Variants in TNR observed in about 807,000 individuals in gnomAD.
TNR encodes the protein tenascin-R.
A neutral mutation model predicts 150.4 loss-of-function variants in TNR; 45 were observed. That is an observed-to-expected ratio of 0.30 (90% CI 0.24 to 0.38). The LOEUF (loss-of-function observed/expected upper bound fraction) is 0.38, where lower values mean the gene tolerates loss of function less well. Among genes scored for constraint, TNR ranks in the 10% least tolerant of loss-of-function variants. TNR has a pLI of 1.00. For synonymous variants in TNR, 687 were observed against 678.4 expected (o/e 1.01, Z -0.20); for missense variants, 1,544 against 1,759.1 (o/e 0.88, Z 2.19).
At chr1:175,646,777 C>T (rs1439455010) in intron 1 of TNR, among the ~76,000 whole-genome samples, 1 of 152,216 alleles carries the variant, frequency 6.6e-6, no homozygotes, top group Non-Finnish European at 1.5e-5. Context: ...CTCCATTCTG[C>T]CCAAGGTTCC....
At chr1:175,655,877 T>C (rs890637254) in intron 1 of TNR, among the ~76,000 whole-genome samples, 12 of 152,128 alleles carry the variant, frequency 7.9e-5, no homozygotes, top group African/African-American at 2.9e-4. Context: ...GGAGTCTCCT[T>C]GGGGATAGAT....
chr1:175,681,094 CAAAT>C (rs1666020815), intron 1 of TNR, among the ~76,000 whole-genome samples: 1 of 152,012 alleles, frequency 6.6e-6, no homozygotes, highest in African/African-American at 2.4e-5. Flanking sequence ...TGAGTACAAA[CAAAT>C]AAAAAGGGAC....
At chr1:175,362,597 C>G (rs899333113) in intron 14 of TNR, 66 bp downstream of exon 14, 12 of 1,576,028 alleles carry the variant, frequency 7.6e-6, no homozygotes, top group African/African-American at 1.3e-5. Context: ...TTTCTACAAG[C>G]CCGAACAACT....
chr1:175,714,067 CTGT>C (rs1161402425), intron 1 of TNR, among the ~76,000 whole-genome samples: 2 of 151,776 alleles, frequency 1.3e-5, no homozygotes, highest in Non-Finnish European at 2.9e-5. Context: ...TCTCTATGTG[CTGT>C]TCTGTCCTCT....
chr1:175,491,885 G>C (rs1274452960), intron 2 of TNR, among the ~76,000 whole-genome samples: 2 of 151,458 alleles, frequency 1.3e-5, no homozygotes, highest in African/African-American at 4.9e-5. Flanking sequence ...TCCTGACCTC[G>C]TGATCCGCCC....
chr1:175,594,712 A>G (rs1450234132), intron 1 of TNR, among the ~76,000 whole-genome samples: 1 of 151,906 alleles, frequency 6.6e-6, no homozygotes, highest in Non-Finnish European at 1.5e-5. Context: ...AAAATTATCC[A>G]TGCATAGTGG....
chr1:175,682,832 G>A (rs994932403), intron 1 of TNR, among the ~76,000 whole-genome samples: 2 of 152,096 alleles, frequency 1.3e-5, no homozygotes, highest in South Asian at 2.1e-4. Context: ...GACCCCACAC[G>A]CACTCTACAT....
chr1:175,423,231 C>T (rs145665468), intron 2 of TNR, among the ~76,000 whole-genome samples: 335 of 152,252 alleles, frequency 2.2e-3, no homozygotes, highest in African/African-American at 7.8e-3. Flanking sequence ...TGTTCATTTC[C>T]TCATGGGCCA....
intron 2 of TNR, among the ~76,000 whole-genome samples, chr1:175,491,247 G>T (rs1164327113): frequency 6.6e-6 from 1 of 152,086 alleles, no homozygotes; most frequent in Non-Finnish European, 1.5e-5. Context: ...GAGATCATCA[G>T]GAAGAATAGC....
rs1236976294 is a variant in TNR, at chr1:175,393,873, T to C, written c.1263A>G (p.Leu421=). The change falls in exon 6 of 23, where the codon CTA becomes CTG. Residue 421 remains leucine (L), a synonymous_variant. Coordinates refer to ENST00000367674, the MANE Select transcript of TNR (RefSeq NM_003285.3). The stretch of plus-strand genomic sequence containing the variant: ...TGGTCTCTGTGATCGTCTTAAATTG[T>C]AGCCCTTGAGGAGTGGAGAGATCTG... The part of the protein sequence containing the change: ...VATHLSTPQG[L]QFKTITETTV... 1.2e-6 allele frequency: 2 copies of C among 1,614,038 alleles called. No individual in the cohort carries two copies. The highest frequency in any genetic ancestry group is 1.3e-5 in the African/African-American group (1 of 74,946).
intron 21 of TNR, among the ~76,000 whole-genome samples, chr1:175,328,835 A>T (rs985960283): frequency 7.9e-5 from 12 of 152,198 alleles, no homozygotes; most frequent in African/African-American, 2.9e-4. Context: ...GCTGTAGGGA[A>T]GTTGGAGGGC....
At chr1:175,480,418 A>AG (rs1657740834) in intron 2 of TNR, among the ~76,000 whole-genome samples, 3 of 94,928 alleles carry the variant, frequency 3.2e-5, no homozygotes, top group Non-Finnish European at 6.8e-5. Context: ...GAAAGAAAGA[A>AG]AAAAGAAAGA....
intron 1 of TNR, among the ~76,000 whole-genome samples, chr1:175,576,041 C>A (rs1343021220): frequency 6.6e-6 from 1 of 152,182 alleles, no homozygotes; most frequent in African/African-American, 2.4e-5. Flanking sequence ...TCATTCTCTG[C>A]AGAAGGTAAT....
chr1:175,545,952 G>A (rs1046631025), intron 1 of TNR, among the ~76,000 whole-genome samples: 1 of 152,176 alleles, frequency 6.6e-6, no homozygotes, highest in Non-Finnish European at 1.5e-5. Context: ...TATAAAGAGT[G>A]TGCCTCCAAA....
intron 9 of TNR, among the ~76,000 whole-genome samples, chr1:175,376,536 C>G (rs1307982864): frequency 6.6e-6 from 1 of 152,212 alleles, no homozygotes; most frequent in African/African-American, 2.4e-5. Flanking sequence ...CAAACTGTGT[C>G]TGAACACAGG....
At chr1:175,372,670 G>A (rs1432507179) in intron 9 of TNR, among the ~76,000 whole-genome samples, 5 of 152,224 alleles carry the variant, frequency 3.3e-5, no homozygotes, top group Non-Finnish European at 7.3e-5. Context: ...CAGGGAAAGT[G>A]GTAGGGAGAA....
intron 1 of TNR, among the ~76,000 whole-genome samples, chr1:175,643,355 G>A (rs556266942): frequency 1.3e-5 from 2 of 152,180 alleles, no homozygotes; most frequent in Non-Finnish European, 2.9e-5. Flanking sequence ...GGAGTTTTTG[G>A]CTTTTAAACC....
At chr1:175,520,331 T>C (rs1371823522) in intron 2 of TNR, among the ~76,000 whole-genome samples, 1 of 152,214 alleles carries the variant, frequency 6.6e-6, no homozygotes, top group East Asian at 1.9e-4. Context: ...CTCTGCTGAC[T>C]CAGCAGAGAA....
intron 2 of TNR, among the ~76,000 whole-genome samples, chr1:175,449,140 A>G (rs1656194775): frequency 6.6e-6 from 1 of 152,234 alleles, no homozygotes; most frequent in African/African-American, 2.4e-5. Flanking sequence ...TTGGAGTTGT[A>G]GGGAGCACTG....
Sources: allele counts gnomAD v4.1 joint callset (sites outside exome capture counted in the v4.1 genomes callset), GRCh38; gene constraint gnomAD v4.1.1; transcripts MANE v1.5; gene names NCBI Gene and HGNC (gene_info 2026-07-23, HGNC 2026-07-21).